TRPM3: variants seen among roughly 807,000 people sequenced by gnomAD.
TRPM3 encodes the protein transient receptor potential cation channel subfamily M member 3.
Under a neutral mutation model 181.2 loss-of-function variants are expected in TRPM3, and 77 were observed. The ratio of observed to expected loss-of-function variants is 0.42; its 90% CI spans 0.35 to 0.51. The LOEUF is 0.51. TRPM3 is among the 20% of genes least tolerant of loss of function. The pLI is 0.01. For missense variants in TRPM3, 1,759 were observed against 2,196.7 expected (o/e 0.80, Z 3.98); for synonymous variants, 745 against 796.4 (o/e 0.94, Z 1.09).
intron 1 of TRPM3, among the ~76,000 whole-genome samples, chr9:71,386,452 A>T (rs111937639): frequency 0.029 from 4,350 of 149,620 alleles, 88 homozygotes; most frequent in South Asian, 0.084. Flanking sequence ...TGTCTTTTGA[A>T]AAAAAAAAAA....
Position 70,806,420 on chromosome 9 carries a change from C to T in TRPM3, c.973+21427G>A, listed in dbSNP as rs184162148. On this transcript the variant is annotated intron_variant, in intron 6 of 25. Transcript: ENST00000677713. Reference sequence around the variant, plus strand: ...AAGGTTAACAAGTTTTTGGCCGGGACGGTGGCTCACGCCTGTAATCCCAGC... The same window carrying T: ...AAGGTTAACAAGTTTTTGGCCGGGATGGTGGCTCACGCCTGTAATCCCAGC... Among the ~76,000 whole-genome samples the T allele has an allele frequency of 2.6e-3, 395 of 152,214 alleles. 3 individuals carry two copies. Among genetic ancestry groups the T allele is most frequent in the African/African-American group, 9.0e-3 (375 of 41,538 alleles).
intron 1 of TRPM3, among the ~76,000 whole-genome samples, chr9:70,993,221 A>T (rs1479278574): frequency 1.3e-5 from 2 of 152,198 alleles, no homozygotes; most frequent in Admixed American, 6.5e-5. Context: ...TCTGTATTTC[A>T]TAAAGCTCAT....
intron 8 of TRPM3, among the ~76,000 whole-genome samples, chr9:70,759,844 GC>G (rs979583081): frequency 1.3e-5 from 2 of 152,090 alleles, no homozygotes; most frequent in African/African-American, 4.8e-5. Context: ...GGGGTGGGGG[GC>G]TAGGGGAGGG....
chr9:70,910,801 C>T (rs1589713554), intron 1 of TRPM3, among the ~76,000 whole-genome samples: 1 of 152,100 alleles, frequency 6.6e-6, no homozygotes, highest in Non-Finnish European at 1.5e-5. Flanking sequence ...CTTTAATTAC[C>T]CTATGAGGTC....
At chr9:71,340,988 C>T (rs1013693827) in intron 1 of TRPM3, among the ~76,000 whole-genome samples, 21 of 151,886 alleles carry the variant, frequency 1.4e-4, no homozygotes, top group Admixed American at 3.9e-4. Context: ...GGCACAGAAG[C>T]CAATGTGAAA....
At chr9:70,764,522 T>C (rs2078730622) in intron 7 of TRPM3, among the ~76,000 whole-genome samples, 1 of 152,172 alleles carries the variant, frequency 6.6e-6, no homozygotes, top group South Asian at 2.1e-4. Context: ...AATTGAGGAA[T>C]GATGTGCAAT....
chr9:71,423,128 T>A (rs999235259), intron 1 of TRPM3, among the ~76,000 whole-genome samples: 1 of 152,012 alleles, frequency 6.6e-6, no homozygotes, highest in Non-Finnish European at 1.5e-5. Flanking sequence ...AATTCTGGAG[T>A]TTTTCTTTTC....
chr9:71,026,879 C>T (rs1045650661), intron 1 of TRPM3, among the ~76,000 whole-genome samples: 4 of 152,156 alleles, frequency 2.6e-5, no homozygotes, highest in African/African-American at 9.7e-5. Context: ...GGACCCTGGC[C>T]CCCCAAGTTG....
intron 1 of TRPM3, among the ~76,000 whole-genome samples, chr9:71,433,779 G>A (rs187057734): frequency 2.2e-4 from 33 of 152,254 alleles, no homozygotes; most frequent in Admixed American, 1.8e-3. Flanking sequence ...GCTCTAGGTC[G>A]GATGCTTCAC....
intron 1 of TRPM3, among the ~76,000 whole-genome samples, chr9:71,436,253 A>G (rs1376703481): frequency 2.1e-5 from 3 of 144,954 alleles, no homozygotes; most frequent in African/African-American, 7.8e-5. Context: ...CTCCTCAGCC[A>G]TGTGGAACTG....
At chr9:70,955,496 T>C (rs1219560647) in intron 1 of TRPM3, among the ~76,000 whole-genome samples, 1 of 152,228 alleles carries the variant, frequency 6.6e-6, no homozygotes, top group Non-Finnish European at 1.5e-5. Flanking sequence ...ATACATTATC[T>C]CACTTGATTT....
intron 1 of TRPM3, among the ~76,000 whole-genome samples, chr9:71,016,353 T>C (rs2097785376): frequency 6.6e-6 from 1 of 152,116 alleles, no homozygotes; most frequent in Admixed American, 6.5e-5. Context: ...TGTGCAACCA[T>C]CACAAAAATC....
intron 1 of TRPM3, among the ~76,000 whole-genome samples, chr9:71,162,399 A>G (rs1428691037): frequency 6.6e-6 from 1 of 152,024 alleles, no homozygotes; most frequent in South Asian, 2.1e-4. Flanking sequence ...ACAGACAAAG[A>G]TAAGAAAAAC....
At chr9:71,249,653 G>T (rs2132012498) in intron 1 of TRPM3, among the ~76,000 whole-genome samples, 2 of 152,204 alleles carry the variant, frequency 1.3e-5, no homozygotes, top group Middle Eastern at 6.8e-3. Context: ...AAATTATTCT[G>T]CTGCAAAATA....
At chr9:70,776,460 T>C in intron 7 of TRPM3, 1 of 710,668 alleles carries the variant, frequency 1.4e-6, no homozygotes, top group South Asian at 1.5e-5. Flanking sequence ...TTTTTCTTTC[T>C]CTTTTTAGAT....
rs555333212 is a variant in TRPM3, at chr9:71,216,636, C to T, written c.183+230017G>A. On this transcript the variant is annotated intron_variant, in intron 1 of 24. Coordinates refer to the TRPM3 transcript ENST00000357533. ...ATGCCATGCAAAGAGCACATTTGCA[C>T]TGAACTCAATATTCTTCCTGACATA... Among the ~76,000 whole-genome samples the T allele has an allele frequency of 1.2e-4, 18 of 152,284 alleles. 1 individual carries two copies. The South Asian group carries it at 3.5e-3, about 30-fold the overall frequency.
In TRPM3 at chr9:70,635,239, A is replaced by C. The variant is rs761329988; in HGVS notation, c.1604T>G (p.Leu535Trp). ...TTTGACATCCCTGACCAAGTGGTACAATGTATTTGAGGGCCCATGTCTCTG... is the reference window on the plus strand; with the variant it reads ...TTTGACATCCCTGACCAAGTGGTACCATGTATTTGAGGGCCCATGTCTCTG... ...YNTRHGPSNT[L>W]YHLVRDVKKR... The change falls in exon 12 of 26, where the codon TTG becomes TGG. Residue 535 changes from leucine to tryptophan, a missense_variant. Physicochemically the swap from Leu to Trp is moderately conservative, Grantham distance 61 (BLOSUM62 -2). Around this residue, in one of 8 missense-constraint regions of TRPM3, gnomAD observed 737 missense variants for 957.4 expected, o/e 0.77. Coordinates refer to ENST00000677713, the MANE Select transcript of TRPM3 (RefSeq NM_001366145.2). 6.2e-7 allele frequency: 1 copy of C among 1,613,944 alleles called. No homozygotes were observed. Among genetic ancestry groups the C allele is most frequent in the East Asian group, 2.2e-5 (1 of 44,870 alleles).
chr9:70,910,789 T>C (rs144052829), intron 1 of TRPM3, among the ~76,000 whole-genome samples: 1 of 152,332 alleles, frequency 6.6e-6, no homozygotes, highest in Non-Finnish European at 1.5e-5. Flanking sequence ...ATTTTCATCC[T>C]GCTTTAATTA....
intron 1 of TRPM3, among the ~76,000 whole-genome samples, chr9:71,351,354 T>C (rs2091611562): frequency 6.6e-6 from 1 of 152,196 alleles, no homozygotes; most frequent in Admixed American, 6.5e-5. Context: ...TTAGCGATTG[T>C]TGCAATGTTG....
Sources: gnomAD v4.1 joint callset for allele counts (sites outside exome capture counted in the v4.1 genomes callset) on GRCh38, gnomAD v4.1.1 for gene constraint, gnomAD v4.1.1 regional missense constraint, MANE v1.5 for transcripts, NCBI Gene and HGNC (gene_info 2026-07-23, HGNC 2026-07-21) for gene names.